Variants in KCNQ1OT1 observed in about 807,000 individuals in gnomAD.
KCNQ1OT1 encodes the protein KCNQ1 opposite strand/antisense transcript 1, also known as KCNQ1 antisense RNA 2 (non-protein coding).
chr11:2,653,186 C>T lies in KCNQ1OT1; in HGVS notation n.46809G>A, dbSNP rs2133845411. ...TTAGGAAATCCCTTTCCAAGAGTTC[C>T]CTGTGCTGTTGCAGGGCTAGGGCCA... On this transcript the variant is annotated non_coding_transcript_exon_variant, in exon 1 of 1. Transcript: ENST00000597346. This position sits in a 1 kb window ranked among gnomAD's most constrained non-coding sequence, Gnocchi z 5.3. 2.5e-6 allele frequency: 1 copy of T among 398,714 alleles called. No individual in the cohort carries two copies. The highest frequency in any genetic ancestry group is 4.4e-6 in the Non-Finnish European group (1 of 226,112). 24.7% of individuals were successfully genotyped at this position (398,714 alleles called of 1,614,324 possible).
exon 1 of KCNQ1OT1, chr11:2,682,000 C>A (rs1247005766): frequency 5.0e-6 from 2 of 398,484 alleles, no homozygotes; most frequent in Non-Finnish European, 8.8e-6. Flanking sequence ...TTTCACTAAT[C>A]CTCACAGCAG....
chr11:2,622,217 A>G (rs1452894942), exon 1 of KCNQ1OT1: 2 of 398,176 alleles, frequency 5.0e-6, no homozygotes, highest in African/African-American at 2.1e-5. Context: ...ATATTTTCTT[A>G]TATTCTGGGG....
chr11:2,679,405 T>TGTAA lies in KCNQ1OT1; in HGVS notation n.20589_20590insTTAC. 2.5e-6 allele frequency: 1 copy of TGTAA among 398,652 alleles called. No individual in the cohort carries two copies. Among genetic ancestry groups the TGTAA allele is most frequent in the South Asian group, 1.3e-4 (1 of 7,862 alleles). 24.7% of individuals were successfully genotyped at this position (398,652 alleles called of 1,614,324 possible). A position where few individuals can be genotyped will look rare whatever the true frequency, so the allele number is the denominator to read the frequency against. Reference sequence around the variant, plus strand: ...AGTTTCTTTATTTGTAAAATGGGAATCATAAGAGTACCTTCCTCAGAGGGT... The same window carrying TGTAA: ...AGTTTCTTTATTTGTAAAATGGGAATGTAACATAAGAGTACCTTCCTCAGAGGGT... On this transcript the variant is annotated non_coding_transcript_exon_variant, in exon 1 of 1. Coordinates refer to ENST00000597346, the Ensembl canonical transcript of KCNQ1OT1. The surrounding 1 kb of genome is among the most constrained non-coding windows in gnomAD (Gnocchi z 4.8).
At chr11:2,628,821 T>G (rs868093873) in exon 1 of KCNQ1OT1, 22 of 398,362 alleles carry the variant, frequency 5.5e-5, no homozygotes, top group Middle Eastern at 6.3e-4. Flanking sequence ...CCAATTTAAT[T>G]TTTTTGCATG....
At position 2,661,946 on chromosome 11, in the gene KCNQ1OT1, A is replaced by G. The variant is rs772469966; in HGVS notation, n.38049T>C. The G allele has an allele frequency of 1.2e-6, 2 of 1,613,888 alleles. No individual in the cohort carries two copies. The highest frequency in any genetic ancestry group is 1.1e-5 in the South Asian group (1 of 91,084). ...GTGGGAGGCCTAACGTGCTGTCCCC[A>G]CACTTTCTCCTCAGTAAGGAAGAGC... On this transcript the variant is annotated non_coding_transcript_exon_variant, in exon 1 of 1. Transcript: ENST00000597346. This position sits in a 1 kb window ranked among gnomAD's most constrained non-coding sequence, Gnocchi z 5.9.
chr11:2,632,642 T>G, exon 1 of KCNQ1OT1: 1 of 398,386 alleles, frequency 2.5e-6, no homozygotes, highest in Non-Finnish European at 4.4e-6. Flanking sequence ...ATTCATCAAC[T>G]CAAATATCAT....
chr11:2,664,738 C>T lies in KCNQ1OT1; in HGVS notation n.35257G>A, dbSNP rs940229656. 11 of 398,634 alleles carry T rather than the reference C, an allele frequency of 2.8e-5. No individual in the cohort carries two copies. The highest frequency in any genetic ancestry group is 2.1e-4 in the African/African-American group (10 of 48,620). The allele number at this position is 398,634 out of a possible 1,614,324, so 24.7% of individuals were successfully genotyped here. A position where few individuals can be genotyped will look rare whatever the true frequency, so the allele number is the denominator to read the frequency against. ...CACACGCCCTGGTGTGTGTGAGGGACAGGGATGTGTGCTGGGGTCTCACAG... is the reference window on the plus strand; with the variant it reads ...CACACGCCCTGGTGTGTGTGAGGGATAGGGATGTGTGCTGGGGTCTCACAG... On this transcript the variant is annotated non_coding_transcript_exon_variant, in exon 1 of 1. Coordinates refer to ENST00000597346, the Ensembl canonical transcript of KCNQ1OT1. The surrounding 1 kb of genome is among the most constrained non-coding windows in gnomAD (Gnocchi z 5.1).
exon 1 of KCNQ1OT1, chr11:2,641,572 C>G (rs898629307): frequency 2.5e-6 from 1 of 398,330 alleles, no homozygotes. Context: ...AATATTTTCT[C>G]CCATTCAACA....
In KCNQ1OT1 at chr11:2,657,842, A is replaced by G; in HGVS notation, n.42153T>C. 1 of 398,590 alleles carries G rather than the reference A, an allele frequency of 2.5e-6. No homozygotes were observed. Among genetic ancestry groups the G allele is most frequent in the East Asian group, 3.6e-5 (1 of 28,080 alleles). 24.7% of individuals were successfully genotyped at this position (398,590 alleles called of 1,614,324 possible). The stretch of plus-strand genomic sequence containing the variant: ...TGGATTTGTCTGGTGTTTTCTCAGG[A>G]CTAGACCAGGGTTATAGGTTTAGGG... On this transcript the variant is annotated non_coding_transcript_exon_variant, in exon 1 of 1. Coordinates refer to ENST00000597346, the Ensembl canonical transcript of KCNQ1OT1. This position sits in a 1 kb window ranked among gnomAD's most constrained non-coding sequence, Gnocchi z 4.8.
chr11:2,669,326 C>T lies in KCNQ1OT1; in HGVS notation n.30669G>A. 1 of 398,652 alleles carries T rather than the reference C, an allele frequency of 2.5e-6. No individual in the cohort carries two copies. The highest frequency in any genetic ancestry group is 4.4e-6 in the Non-Finnish European group (1 of 226,072). The allele number at this position is 398,652 out of a possible 1,614,324, so 24.7% of individuals were successfully genotyped here. A position where few individuals can be genotyped will look rare whatever the true frequency, so the allele number is the denominator to read the frequency against. ...TGCCAGTTGCCATGGAAAGCCTCCT[C>T]TAGGCGCAGCAGCCTCTAGATGGGC... On this transcript the variant is annotated non_coding_transcript_exon_variant, in exon 1 of 1. Transcript: ENST00000597346. The surrounding 1 kb of genome is among the most constrained non-coding windows in gnomAD (Gnocchi z 5.6).
exon 1 of KCNQ1OT1, chr11:2,699,507 A>AG (rs1850739118): frequency 5.7e-6 from 1 of 176,920 alleles, no homozygotes; most frequent in Non-Finnish European, 9.0e-6. Flanking sequence ...CGCGCTGAGG[A>AG]GCCCCCAGGA....
chr11:2,666,555 T>C, exon 1 of KCNQ1OT1: 2 of 398,670 alleles, frequency 5.0e-6, no homozygotes, highest in Non-Finnish European at 4.4e-6. Context: ...TCTCCTGAAT[T>C]CTGCATTTGT....
At position 2,676,251 on chromosome 11, in the gene KCNQ1OT1, G is replaced by A; in HGVS notation, n.23744C>T. 1 of 398,644 alleles carries A rather than the reference G, an allele frequency of 2.5e-6. No homozygotes were observed. The highest frequency in any genetic ancestry group is 3.6e-5 in the East Asian group (1 of 28,084). 24.7% of individuals were successfully genotyped at this position (398,644 alleles called of 1,614,324 possible). A position where few individuals can be genotyped will look rare whatever the true frequency, so the allele number is the denominator to read the frequency against. ...ATTTATTATGGTGCAGTACATCTGA[G>A]AAGCATTTTTATTGCAAAATGTGTG... On this transcript the variant is annotated non_coding_transcript_exon_variant, in exon 1 of 1. Transcript: ENST00000597346. This position sits in a 1 kb window ranked among gnomAD's most constrained non-coding sequence, Gnocchi z 4.2.
In KCNQ1OT1 at chr11:2,669,708, A is replaced by G. The variant is rs1850146983; in HGVS notation, n.30287T>C. 2.5e-6 allele frequency: 1 copy of G among 398,646 alleles called. No individual in the cohort carries two copies. The highest frequency in any genetic ancestry group is 3.6e-5 in the East Asian group (1 of 28,080). 24.7% of individuals were successfully genotyped at this position (398,646 alleles called of 1,614,324 possible). A position where few individuals can be genotyped will look rare whatever the true frequency, so the allele number is the denominator to read the frequency against. ...AGGAGATGGTGTTAGGCATCCAGCC[A>G]CATACCTGACTCGGGGAAATGCCTG... On this transcript the variant is annotated non_coding_transcript_exon_variant, in exon 1 of 1. Transcript: ENST00000597346. The surrounding 1 kb of genome is among the most constrained non-coding windows in gnomAD (Gnocchi z 5.6).
At position 2,652,688 on chromosome 11, in the gene KCNQ1OT1, G is replaced by T. The variant is rs1170293615; in HGVS notation, n.47307C>A. 2.0e-5 allele frequency: 8 copies of T among 398,712 alleles called. No individual in the cohort carries two copies. The highest frequency in any genetic ancestry group is 1.6e-4 in the African/African-American group (8 of 48,624). 24.7% of individuals were successfully genotyped at this position (398,712 alleles called of 1,614,324 possible). Reference sequence around the variant, plus strand: ...TGGGTCGATTTTAGTTGTGTGGGTGGCTGTGTTGCTCTCTTTCCGTTTCCT... The same window carrying T: ...TGGGTCGATTTTAGTTGTGTGGGTGTCTGTGTTGCTCTCTTTCCGTTTCCT... On this transcript the variant is annotated non_coding_transcript_exon_variant, in exon 1 of 1. Transcript: ENST00000597346. The surrounding 1 kb of genome is among the most constrained non-coding windows in gnomAD (Gnocchi z 5.9).
rs1339970652 is a variant in KCNQ1OT1, at chr11:2,653,149, CA to C, written n.46845del. 1 of 398,604 alleles carries C rather than the reference CA, an allele frequency of 2.5e-6. No individual in the cohort carries two copies. Among genetic ancestry groups the C allele is most frequent in the African/African-American group, 2.1e-5 (1 of 48,638 alleles). The allele number at this position is 398,604 out of a possible 1,614,324, so 24.7% of individuals were successfully genotyped here. A position where few individuals can be genotyped will look rare whatever the true frequency, so the allele number is the denominator to read the frequency against. ...GACTTGCATCACAGCAGTAGAAAGCCAATGTCCCACCTTAGGAAATCCCTTT... is the reference window on the plus strand; with the variant it reads ...GACTTGCATCACAGCAGTAGAAAGCCATGTCCCACCTTAGGAAATCCCTTT... On this transcript the variant is annotated non_coding_transcript_exon_variant, in exon 1 of 1. Coordinates refer to ENST00000597346, the Ensembl canonical transcript of KCNQ1OT1. The surrounding 1 kb of genome is among the most constrained non-coding windows in gnomAD (Gnocchi z 5.3).
rs1166817036 is a variant in KCNQ1OT1, at chr11:2,690,024, G to A, written n.9971C>T. ...AACTGTTGAGGAAGGTGAGCCTTCC[G>A]AGGGCCAGCCCTGCCTCTCCTCCCC... On this transcript the variant is annotated non_coding_transcript_exon_variant, in exon 1 of 1. Coordinates refer to ENST00000597346, the Ensembl canonical transcript of KCNQ1OT1. The surrounding 1 kb of genome is among the most constrained non-coding windows in gnomAD (Gnocchi z 5.1). 5.0e-6 allele frequency: 2 copies of A among 398,808 alleles called. No individual in the cohort carries two copies. Among genetic ancestry groups the A allele is most frequent in the Non-Finnish European group, 8.8e-6 (2 of 226,324 alleles). The allele number at this position is 398,808 out of a possible 1,614,324, so 24.7% of individuals were successfully genotyped here.
chr11:2,686,311 G>C (rs993950829), exon 1 of KCNQ1OT1: 2 of 398,696 alleles, frequency 5.0e-6, no homozygotes, highest in Non-Finnish European at 8.8e-6. Context: ...CCACACTAGT[G>C]TCACCTGGCC....
rs1849827006 is a variant in KCNQ1OT1 at position 2,655,370 on chromosome 11, T to C, written n.44625A>G. 1.3e-5 allele frequency: 5 copies of C among 398,642 alleles called. No homozygotes were observed. The East Asian group carries it at 1.4e-4, about 11-fold the overall frequency. The allele number at this position is 398,642 out of a possible 1,614,324, so 24.7% of individuals were successfully genotyped here. ...AAAGCATCAAAAACCAGGACTGTCT[T>C]AGGAAAGTGTGACTTCATTGTCACC... On this transcript the variant is annotated non_coding_transcript_exon_variant, in exon 1 of 1. Coordinates refer to ENST00000597346, the Ensembl canonical transcript of KCNQ1OT1.
Sources: allele counts gnomAD v4.1 joint callset, GRCh38; gene constraint gnomAD v4.1.1; non-coding constraint Gnocchi (gnomAD v3.1); transcripts MANE v1.5; gene names NCBI Gene and HGNC (gene_info 2026-07-23, HGNC 2026-07-21).